The following MBNL2 variants were observed in gnomAD, a reference collection of about 807,000 sequenced individuals.
The protein encoded by MBNL2 is muscleblind like splicing regulator 2.
In MBNL2, 17 loss-of-function variants were observed where a neutral mutation model predicts 41.9. That is an observed-to-expected ratio of 0.41 (90% CI 0.28 to 0.61). The LOEUF is 0.61. MBNL2 is among the 20% of genes least tolerant of loss of function. The pLI is 0.35. For synonymous variants in MBNL2, 195 were observed against 182.9 expected (o/e 1.07, Z -0.53); for missense variants, 336 against 505.6 (o/e 0.66, Z 3.22).
At chr13:97,154,150 G>T in the MBNL2 span, among the ~76,000 whole-genome samples, 1 of 152,134 alleles carries the variant, frequency 6.6e-6, no homozygotes, top group Non-Finnish European at 1.5e-5. Flanking sequence ...GAAATAAACA[G>T]AATTTCTTCC....
chr13:97,164,603 G>C, the MBNL2 span, among the ~76,000 whole-genome samples: 18 of 152,010 alleles, frequency 1.2e-4, no homozygotes, highest in African/African-American at 4.4e-4. Flanking sequence ...TATCACTATT[G>C]TGCTGTAGCC....
At chr13:97,167,057 T>C in the MBNL2 span, among the ~76,000 whole-genome samples, 1 of 152,196 alleles carries the variant, frequency 6.6e-6, no homozygotes, top group Non-Finnish European at 1.5e-5. Flanking sequence ...GGGAAATGCC[T>C]TGAATATTAC....
intron 1 of MBNL2, among the ~76,000 whole-genome samples, chr13:97,222,926 T>TA (rs999352806): frequency 5.9e-5 from 9 of 151,884 alleles, no homozygotes; most frequent in South Asian, 2.1e-4. Context: ...AATTAAGGAT[T>TA]AAAAAAAAAT....
At chr13:97,198,225 C>T in the MBNL2 span, among the ~76,000 whole-genome samples, 2 of 152,062 alleles carry the variant, frequency 1.3e-5, no homozygotes, top group Admixed American at 6.6e-5. Flanking sequence ...GAGCAAAAGT[C>T]TCATCCTCCC....
At chr13:97,196,210 T>TA in the MBNL2 span, among the ~76,000 whole-genome samples, 2 of 152,310 alleles carry the variant, frequency 1.3e-5, no homozygotes, top group Non-Finnish European at 2.9e-5. Flanking sequence ...ATCCAACTGA[T>TA]ATAGGAAATG....
At chr13:97,198,647 T>C in the MBNL2 span, among the ~76,000 whole-genome samples, 1 of 152,048 alleles carries the variant, frequency 6.6e-6, no homozygotes, top group African/African-American at 2.4e-5. Context: ...TCATTTTCTT[T>C]TCCCATAGTC....
At position 97,334,600 on chromosome 13, in the gene MBNL2, A is replaced by T. The variant is rs2060723411; in HGVS notation, c.339+160A>T. Among the ~76,000 whole-genome samples the T allele has an allele frequency of 6.6e-6, 1 of 152,232 alleles. No individual in the cohort carries two copies. The highest frequency in any genetic ancestry group is 2.4e-5 in the African/African-American group (1 of 41,464). ...AGATGAAGGAAAATAGGCTTTTAAA[A>T]AAATTAATAGAAAAATATTTGTGGA... On this transcript the variant is annotated intron_variant, in intron 3 of 8. Coordinates refer to ENST00000679496, the MANE Select transcript of MBNL2 (RefSeq NM_001382683.1). The surrounding 1 kb of genome is among the most constrained non-coding windows in gnomAD (Gnocchi z 5.3).
the MBNL2 span, among the ~76,000 whole-genome samples, chr13:97,144,290 T>C: frequency 5.9e-5 from 9 of 152,342 alleles, no homozygotes; most frequent in African/African-American, 1.7e-4. Flanking sequence ...AGGAGGGGTC[T>C]GAGCTAGGGC....
In MBNL2 at chr13:97,393,258, C is replaced by T. The variant is rs2066429399; in HGVS notation, c.*1809C>T. 6.6e-6 allele frequency: 1 copy of T among 152,342 alleles called. No homozygotes were observed. Among genetic ancestry groups the T allele is most frequent in the Non-Finnish European group, 1.5e-5 (1 of 67,890 alleles). The allele number at this position is 152,342 out of a possible 1,614,324, so 9.4% of individuals were successfully genotyped here. A position where few individuals can be genotyped will look rare whatever the true frequency, so the allele number is the denominator to read the frequency against. ...CTACAACTTGCCTAAAACATTCAAA[C>T]TTGTTTTCTTTTTTCTGTTTTTTTC... is the stretch of plus-strand genomic sequence containing the variant. On this transcript the variant is annotated 3_prime_UTR_variant, in exon 9 of 9. Transcript: ENST00000679496.
chr13:97,253,783 A>G (rs2047028114), intron 1 of MBNL2, among the ~76,000 whole-genome samples: 1 of 151,620 alleles, frequency 6.6e-6, no homozygotes, highest in Non-Finnish European at 1.5e-5. Context: ...AATACGTATT[A>G]ATAAGTTCTT....
chr13:97,379,814 G>A (rs939703887), intron 8 of MBNL2, among the ~76,000 whole-genome samples: 6 of 152,168 alleles, frequency 3.9e-5, no homozygotes, highest in African/African-American at 1.4e-4. Context: ...TGGAGATGGA[G>A]GGTGGTGATG....
the MBNL2 span, among the ~76,000 whole-genome samples, chr13:97,184,533 G>A: frequency 5.3e-5 from 8 of 152,194 alleles, no homozygotes; most frequent in East Asian, 7.7e-4. Context: ...GTGACTATCC[G>A]ATTTCCAGGC....
At chr13:97,337,271 G>T (rs560027823) in intron 3 of MBNL2, among the ~76,000 whole-genome samples, 11 of 152,172 alleles carry the variant, frequency 7.2e-5, no homozygotes, top group Non-Finnish European at 1.6e-4. Context: ...GATTTGGGGG[G>T]TTCCAGCTTC....
intron 1 of MBNL2, among the ~76,000 whole-genome samples, chr13:97,223,628 A>C (rs1255339336): frequency 6.6e-6 from 1 of 152,252 alleles, no homozygotes; most frequent in Non-Finnish European, 1.5e-5. Flanking sequence ...GACAAAGGTT[A>C]AGTGGAAAGC....
chr13:97,158,463 T>A, the MBNL2 span, among the ~76,000 whole-genome samples: 8 of 152,112 alleles, frequency 5.3e-5, no homozygotes, highest in South Asian at 2.1e-4. Flanking sequence ...GCTCTTGCTT[T>A]TGTAGTTCTT....
intron 1 of MBNL2, among the ~76,000 whole-genome samples, chr13:97,262,205 G>A (rs549752466): frequency 3.4e-4 from 51 of 152,180 alleles, no homozygotes; most frequent in Non-Finnish European, 6.2e-4. Context: ...TGTTCTTGCA[G>A]CAGCAAGTGC....
intron 4 of MBNL2, among the ~76,000 whole-genome samples, chr13:97,345,432 G>T (rs546352749): frequency 6.6e-6 from 1 of 152,256 alleles, no homozygotes; most frequent in South Asian, 2.1e-4. Context: ...AAATTCTAAA[G>T]AAATATTTTT....
intron 2 of MBNL2, among the ~76,000 whole-genome samples, chr13:97,278,487 T>G (rs1468680877): frequency 1.3e-5 from 2 of 152,120 alleles, no homozygotes; most frequent in Non-Finnish European, 2.9e-5. Flanking sequence ...ATGGGGAAAA[T>G]AATTCCTGAC....
At chr13:97,164,847 A>T in the MBNL2 span, among the ~76,000 whole-genome samples, 2 of 152,288 alleles carry the variant, frequency 1.3e-5, no homozygotes, top group South Asian at 2.1e-4. Context: ...CCACATATGA[A>T]GATTTGGTGT....
Sources: gnomAD v4.1 joint callset for allele counts (sites outside exome capture counted in the v4.1 genomes callset) on GRCh38, gnomAD v4.1.1 for gene constraint, Gnocchi (gnomAD v3.1) non-coding constraint, MANE v1.5 for transcripts, NCBI Gene and HGNC (gene_info 2026-07-23, HGNC 2026-07-21) for gene names.